MEIS1: variants seen among roughly 807,000 people sequenced by gnomAD.
MEIS1 encodes the protein Meis homeobox 1, also known as homeobox protein Meis1.
In MEIS1, 5 loss-of-function variants were observed where a neutral mutation model predicts 50.8. That is an observed-to-expected ratio of 0.10 (90% CI 0.05 to 0.21). MEIS1 has a LOEUF of 0.21. Ranked by LOEUF, MEIS1 falls within the 10% of genes least tolerant of loss-of-function variation. The pLI is 1.00. For synonymous variants in MEIS1, 176 were observed against 179.3 expected, an observed-to-expected ratio of 0.98 and a Z score of 0.15; for missense variants, 318 against 517.3, an observed-to-expected ratio of 0.61 and a Z score of 3.74.
intron 8 of MEIS1, among the ~76,000 whole-genome samples, chr2:66,528,095 A>T (rs1342154793): frequency 1.3e-5 from 2 of 152,162 alleles, no homozygotes; most frequent in East Asian, 3.9e-4. Flanking sequence ...TGAGTACAAG[A>T]TATGTTGGAG....
intron 8 of MEIS1, among the ~76,000 whole-genome samples, chr2:66,525,482 C>A (rs1674227771): frequency 6.6e-6 from 1 of 152,278 alleles, no homozygotes; most frequent in Middle Eastern, 3.4e-3. Context: ...GATTTTTATA[C>A]TTTGATTTTG....
chr2:66,558,279 C>CAAAAAAAAAAAAAAAA (rs59017279), intron 9 of MEIS1, among the ~76,000 whole-genome samples: 6 of 57,086 alleles, frequency 1.1e-4, no homozygotes, highest in Non-Finnish European at 1.4e-4. Flanking sequence ...AACTCCATCT[C>CAAAAAAAAAAAAAAAA]AAAAAAAAAA....
chr2:66,435,678 C>G lies in MEIS1; in HGVS notation c.-179C>G. The stretch of plus-strand genomic sequence containing the variant: ...GACTCGGGCGCTTTGCTTCAGGTCC[C>G]GTAGACCGAAGATCTGGGACCAGTA... On this transcript the variant is annotated 5_prime_UTR_variant, in exon 1 of 13. Transcript: ENST00000272369. The G allele has an allele frequency of 3.7e-6, 2 of 544,500 alleles. No homozygotes were observed. The highest frequency in any genetic ancestry group is 5.0e-4 in the Middle Eastern group (1 of 1,984). The allele number at this position is 544,500 out of a possible 1,614,324, so 33.7% of individuals were successfully genotyped here.
At chr2:66,440,066 CGA>C (rs1491409778) in intron 3 of MEIS1, 82 bp downstream of exon 3, 49 of 1,161,722 alleles carry the variant, frequency 4.2e-5, no homozygotes, top group African/African-American at 3.1e-4. Context: ...CGCGCGCGCG[CGA>C]ACACACACAC....
intron 8 of MEIS1, among the ~76,000 whole-genome samples, chr2:66,546,747 A>G (rs1343156860): frequency 6.6e-6 from 1 of 152,228 alleles, no homozygotes; most frequent in Non-Finnish European, 1.5e-5. Flanking sequence ...AATCATAGAC[A>G]ATGCTTATGG....
chr2:66,564,874 C>A (rs556361268), intron 9 of MEIS1, among the ~76,000 whole-genome samples: 1 of 151,698 alleles, frequency 6.6e-6, no homozygotes, highest in Non-Finnish European at 1.5e-5. Flanking sequence ...CCTTCCCCCT[C>A]CCCCTGTAAT....
chr2:66,569,189 AT>A, intron 12 of MEIS1, 44 bp downstream of exon 12: 1 of 1,522,998 alleles, frequency 6.6e-7, no homozygotes, highest in Non-Finnish European at 9.0e-7. Flanking sequence ...TCCTAGGAAT[AT>A]TTTTCCTCTT....
rs796503153 is a variant in MEIS1, at chr2:66,560,583, C to CAA, written c.966-6857_966-6856dup. ...TGGGCAACAGAGTGAGACTCTGTCT[C>CAA]AAAAAAAAAAAAAAGAAAGAAAAGA... On this transcript the variant is annotated intron_variant, in intron 9 of 12. Coordinates refer to ENST00000272369, the MANE Select transcript of MEIS1 (RefSeq NM_002398.3). Among the ~76,000 whole-genome samples the CAA allele has an allele frequency of 1.8e-3, 232 of 129,234 alleles. 1 individual carries two copies. Among genetic ancestry groups the CAA allele is most frequent in the African/African-American group, 5.7e-3 (203 of 35,310 alleles). 84.8% of individuals were successfully genotyped at this position (129,234 alleles called of 152,430 possible).
intron 8 of MEIS1, among the ~76,000 whole-genome samples, chr2:66,518,650 T>G (rs1249639385): frequency 1.3e-5 from 2 of 152,228 alleles, no homozygotes; most frequent in South Asian, 2.1e-4. Flanking sequence ...ACTTGGTCAC[T>G]GAGCATGCAC....
At chr2:66,446,141 C>A (rs1391674196) in intron 6 of MEIS1, among the ~76,000 whole-genome samples, 1 of 152,120 alleles carries the variant, frequency 6.6e-6, no homozygotes, top group African/African-American at 2.4e-5. Flanking sequence ...TGATGCTAGG[C>A]GTCGAGGCGA....
chr2:66,491,147 C>T (rs1188939606), intron 7 of MEIS1, among the ~76,000 whole-genome samples: 1 of 152,118 alleles, frequency 6.6e-6, no homozygotes, highest in Non-Finnish European at 1.5e-5. Flanking sequence ...GGGCTCAAAG[C>T]ACACACTGCT....
intron 7 of MEIS1, among the ~76,000 whole-genome samples, chr2:66,474,109 C>T (rs1037133997): frequency 6.6e-6 from 1 of 151,238 alleles, no homozygotes. Flanking sequence ...TTTCAAATAC[C>T]TTCTATCCTC....
chr2:66,501,661 A>G (rs181977729), intron 7 of MEIS1, among the ~76,000 whole-genome samples: 1,526 of 152,292 alleles, frequency 0.01, 26 homozygotes, highest in African/African-American at 0.034. Context: ...AGAAAAAAAA[A>G]AAAACTTGGA....
chr2:66,547,314 G>T (rs1016733313), intron 8 of MEIS1, among the ~76,000 whole-genome samples: 1 of 152,094 alleles, frequency 6.6e-6, no homozygotes, highest in African/African-American at 2.4e-5. Flanking sequence ...AAATATGCTG[G>T]TCTTTGACCT....
intron 6 of MEIS1, among the ~76,000 whole-genome samples, chr2:66,457,722 G>C (rs1422792711): frequency 6.6e-6 from 1 of 152,204 alleles, no homozygotes; most frequent in Non-Finnish European, 1.5e-5. Flanking sequence ...GACATACAGC[G>C]ATCCCATTCA....
At chr2:66,538,210 T>C (rs544234901) in intron 8 of MEIS1, among the ~76,000 whole-genome samples, 1 of 152,298 alleles carries the variant, frequency 6.6e-6, no homozygotes, top group Non-Finnish European at 1.5e-5. Context: ...AACACAGTAA[T>C]TAAAAGCATA....
chr2:66,544,543 G>C (rs1048764749), intron 8 of MEIS1, among the ~76,000 whole-genome samples: 1 of 152,042 alleles, frequency 6.6e-6, no homozygotes, highest in African/African-American at 2.4e-5. Context: ...CATAGACAAG[G>C]GTTTAGGAAT....
chr2:66,568,872 C>T (rs1675417442), intron 11 of MEIS1, 116 bp downstream of exon 11: 1 of 1,135,094 alleles, frequency 8.8e-7, no homozygotes, highest in Non-Finnish European at 1.3e-6. Context: ...GCTGCCTTGC[C>T]TTGTCTGCTA....
At chr2:66,506,392 G>A in intron 7 of MEIS1, among the ~76,000 whole-genome samples, 1 of 152,238 alleles carries the variant, frequency 6.6e-6, no homozygotes, top group East Asian at 1.9e-4. Flanking sequence ...ACTAGGATAA[G>A]GAAATGCAAA....
Sources: gnomAD v4.1 joint callset for allele counts (sites outside exome capture counted in the v4.1 genomes callset) on GRCh38, gnomAD v4.1.1 for gene constraint, MANE v1.5 for transcripts, NCBI Gene and HGNC (gene_info 2026-07-23, HGNC 2026-07-21) for gene names.